HNRNPA1L3: variants seen among roughly 807,000 people sequenced by gnomAD.
The protein encoded by HNRNPA1L3 is heterogeneous nuclear ribonucleoprotein A1-like 3.
chr16:51,645,977 T>G, the HNRNPA1L3 span: 1 of 1,603,428 alleles, frequency 6.2e-7, no homozygotes, highest in Non-Finnish European at 8.5e-7. Context: ...CACGAAGCGC[T>G]CCAGGGGCTT....
chr16:51,646,542 A>T, the HNRNPA1L3 span: 1 of 1,596,780 alleles, frequency 6.3e-7, no homozygotes, highest in Non-Finnish European at 8.5e-7. Flanking sequence ...GGCAGTGGGG[A>T]TGGCTATAAT....
the HNRNPA1L3 span, chr16:51,647,062 GT>G: frequency 4.7e-6 from 2 of 429,630 alleles, no homozygotes; most frequent in Non-Finnish European, 8.4e-6. Context: ...ACCCCATGCT[GT>G]TGATTGCTAA....
chr16:51,646,191 T>C, the HNRNPA1L3 span: 2 of 1,593,176 alleles, frequency 1.3e-6, no homozygotes, highest in East Asian at 2.2e-5. Context: ...AGAGATTATT[T>C]TGAACAGTAT....
At chr16:51,645,898 T>C in the HNRNPA1L3 span, 6 of 1,606,486 alleles carry the variant, frequency 3.7e-6, no homozygotes, top group South Asian at 5.5e-5. Flanking sequence ...AAACAACTGA[T>C]GAGAGCCTGA....
the HNRNPA1L3 span, chr16:51,646,812 C>T: frequency 6.5e-7 from 1 of 1,537,862 alleles, no homozygotes; most frequent in Non-Finnish European, 8.9e-7. Context: ...GAGAGGAGAG[C>T]CAGAGAAGTG....
chr16:51,646,171 A>T, the HNRNPA1L3 span: 38 of 1,586,018 alleles, frequency 2.4e-5, no homozygotes, highest in Non-Finnish European at 2.9e-5. Flanking sequence ...ACACTGAAGA[A>T]CATCACCTAA....
At chr16:51,646,210 T>G in the HNRNPA1L3 span, 1 of 1,595,902 alleles carries the variant, frequency 6.3e-7, no homozygotes, top group Non-Finnish European at 8.5e-7. Flanking sequence ...ATGGAAAAAT[T>G]GAAGTGATTG....
At chr16:51,646,634 TTTGGAC>T in the HNRNPA1L3 span, 1 of 1,597,092 alleles carries the variant, frequency 6.3e-7, no homozygotes, top group Non-Finnish European at 8.5e-7. Context: ...GTCTTCAAAT[TTTGGAC>T]CCATGAAGGG....
chr16:51,646,416 G>A, the HNRNPA1L3 span: 4 of 1,570,296 alleles, frequency 2.5e-6, no homozygotes, highest in Non-Finnish European at 2.6e-6. Context: ...AGTGGTTCTG[G>A]AAACTTTGGT....
the HNRNPA1L3 span, chr16:51,646,404 G>A: frequency 1.0e-5 from 16 of 1,547,706 alleles, no homozygotes; most frequent in African/African-American, 8.1e-5. Context: ...CAAAGAGGTC[G>A]AAGTGGTTCT....
At chr16:51,646,858 T>C in the HNRNPA1L3 span, 1 of 1,164,718 alleles carries the variant, frequency 8.6e-7, no homozygotes, top group Non-Finnish European at 1.3e-6. Flanking sequence ...ATTTGTGAAC[T>C]CAGCCAAGCA....
chr16:51,646,933 G>T, the HNRNPA1L3 span: 4 of 749,740 alleles, frequency 5.3e-6, no homozygotes, highest in African/African-American at 6.9e-5. Flanking sequence ...ATGTGTATAG[G>T]CAAAAAACTC....
At chr16:51,646,692 G>A in the HNRNPA1L3 span, 6 of 1,598,734 alleles carry the variant, frequency 3.8e-6, no homozygotes, top group Non-Finnish European at 5.1e-6. Context: ...CATGGCGGTG[G>A]AGGCCAATAC....
the HNRNPA1L3 span, chr16:51,645,975 G>T: frequency 5.0e-6 from 8 of 1,603,492 alleles, no homozygotes; most frequent in Admixed American, 1.7e-5. Context: ...AACACGAAGC[G>T]CTCCAGGGGC....
At chr16:51,646,862 C>T in the HNRNPA1L3 span, 5 of 1,078,902 alleles carry the variant, frequency 4.6e-6, no homozygotes, top group South Asian at 6.4e-5. Context: ...GTGAACTCAG[C>T]CAAGCACAGT....
the HNRNPA1L3 span, chr16:51,646,871 G>A: frequency 2.1e-6 from 2 of 972,828 alleles, no homozygotes; most frequent in Admixed American, 1.9e-5. Context: ...GCCAAGCACA[G>A]TGGTGGCAGG....
the HNRNPA1L3 span, chr16:51,646,666 C>G: frequency 6.3e-7 from 1 of 1,598,318 alleles, no homozygotes; most frequent in Non-Finnish European, 8.5e-7. Context: ...ATTTTGAAGG[C>G]AGAAGCTCTG....
At chr16:51,646,770 G>T in the HNRNPA1L3 span, 6 of 1,595,806 alleles carry the variant, frequency 3.8e-6, no homozygotes, top group South Asian at 6.6e-5. Context: ...GGCAGTGGCA[G>T]AAGATTTTAA....
At chr16:51,646,280 G>A in the HNRNPA1L3 span, 4 of 1,595,782 alleles carry the variant, frequency 2.5e-6, no homozygotes, top group East Asian at 2.2e-5. Flanking sequence ...AACCTTTGAC[G>A]ACCATGACTC....
Sources: gnomAD v4.1 joint callset for allele counts on GRCh38, gnomAD v4.1.1 for gene constraint, MANE v1.5 for transcripts, NCBI Gene and HGNC (gene_info 2026-07-23, HGNC 2026-07-21) for gene names.